BRINP3: variants seen among roughly 807,000 people sequenced by gnomAD.
The protein encoded by BRINP3 is BMP/retinoic acid-inducible neural-specific protein 3.
A neutral mutation model predicts 71.0 loss-of-function variants in BRINP3; 19 were observed. That is an observed-to-expected ratio of 0.27 (90% CI 0.19 to 0.39). BRINP3 has a LOEUF of 0.39. BRINP3 is among the 10% of genes least tolerant of loss of function. The probability of loss-of-function intolerance (pLI) is 1.00; values close to 1 mark genes in which losing one functional copy is unlikely to be tolerated. For missense variants in BRINP3, 959 were observed against 940.8 expected (o/e 1.02, Z -0.25); for synonymous variants, 380 against 337.7 (o/e 1.13, Z -1.37).
chr1:190,106,358 T>C (rs988132280), intron 7 of BRINP3, among the ~76,000 whole-genome samples: 28 of 151,800 alleles, frequency 1.8e-4, no homozygotes, highest in Non-Finnish European at 3.7e-4. Context: ...ACAGTGTTTA[T>C]GTTTAAATCT....
At chr1:190,210,859 G>A (rs2102649209) in intron 6 of BRINP3, among the ~76,000 whole-genome samples, 1 of 152,168 alleles carries the variant, frequency 6.6e-6, no homozygotes, top group East Asian at 1.9e-4. Flanking sequence ...TGCCCTGCAT[G>A]GCTAGAATAA....
intron 6 of BRINP3, among the ~76,000 whole-genome samples, chr1:190,162,620 C>T (rs10920654): frequency 0.22 from 33,184 of 152,008 alleles, 4,170 homozygotes; most frequent in East Asian, 0.35. Context: ...GTCATCTTTA[C>T]TTGAATAGTT....
intron 7 of BRINP3, among the ~76,000 whole-genome samples, chr1:190,102,975 T>C (rs762544627): frequency 6.6e-6 from 1 of 152,094 alleles, no homozygotes; most frequent in African/African-American, 2.4e-5. Flanking sequence ...TTGAAATGTT[T>C]AGACAGCTGT....
At chr1:190,373,834 C>T (rs773294350) in intron 2 of BRINP3, among the ~76,000 whole-genome samples, 9 of 150,920 alleles carry the variant, frequency 6.0e-5, no homozygotes, top group Non-Finnish European at 1.0e-4. Flanking sequence ...AAAGTAATGG[C>T]AAAAACTGTG....
chr1:190,247,877 A>C (rs1408802047), intron 4 of BRINP3, among the ~76,000 whole-genome samples: 1 of 151,932 alleles, frequency 6.6e-6, no homozygotes, highest in East Asian at 1.9e-4. Flanking sequence ...CATTTCCAAT[A>C]TATTTCAAGG....
intron 2 of BRINP3, among the ~76,000 whole-genome samples, chr1:190,284,669 C>T (rs1320772692): frequency 6.6e-6 from 1 of 151,916 alleles, no homozygotes; most frequent in Non-Finnish European, 1.5e-5. Context: ...TTTACTCACT[C>T]AATATGTTAA....
chr1:190,227,059 A>G (rs912691315), intron 5 of BRINP3, among the ~76,000 whole-genome samples: 1 of 151,916 alleles, frequency 6.6e-6, no homozygotes, highest in Non-Finnish European at 1.5e-5. Context: ...TTATTACGAT[A>G]TTTCAAAAAT....
At chr1:190,468,674 G>C (rs1304611670) in intron 1 of BRINP3, among the ~76,000 whole-genome samples, 1 of 151,070 alleles carries the variant, frequency 6.6e-6, no homozygotes, top group Non-Finnish European at 1.5e-5. Flanking sequence ...ATCTGACTTT[G>C]ATATAAAAGT....
chr1:190,104,111 A>G (rs892999333), intron 7 of BRINP3, among the ~76,000 whole-genome samples: 1 of 151,984 alleles, frequency 6.6e-6, no homozygotes, highest in African/African-American at 2.4e-5. Context: ...AGAATAATGG[A>G]GTGAGGGAGG....
chr1:190,464,026 A>T (rs1050715348), intron 1 of BRINP3, among the ~76,000 whole-genome samples: 3 of 151,924 alleles, frequency 2.0e-5, no homozygotes, highest in African/African-American at 7.2e-5. Flanking sequence ...CTTCTGTTGA[A>T]ATAAACAATA....
At chr1:190,296,644 C>T (rs768038479) in intron 2 of BRINP3, among the ~76,000 whole-genome samples, 5 of 151,912 alleles carry the variant, frequency 3.3e-5, no homozygotes, top group East Asian at 1.9e-4. Flanking sequence ...TTGCAGATGA[C>T]GTAATCTTAC....
At chr1:190,339,993 G>A (rs1269254784) in intron 2 of BRINP3, among the ~76,000 whole-genome samples, 1 of 151,804 alleles carries the variant, frequency 6.6e-6, no homozygotes, top group Non-Finnish European at 1.5e-5. Flanking sequence ...CAGCACTAGT[G>A]AAATTTGATT....
intron 7 of BRINP3, among the ~76,000 whole-genome samples, chr1:190,105,249 T>A (rs1329083978): frequency 6.6e-6 from 1 of 151,998 alleles, no homozygotes; most frequent in East Asian, 1.9e-4. Flanking sequence ...GAAATGTCAC[T>A]TTCAAAGATC....
chr1:190,129,748 CA>C (rs1286376207), intron 7 of BRINP3, among the ~76,000 whole-genome samples: 2 of 151,892 alleles, frequency 1.3e-5, no homozygotes, highest in Non-Finnish European at 2.9e-5. Context: ...ATGTGTATAT[CA>C]ATTCTATATA....
At chr1:190,378,296 G>GA (rs977817228) in intron 2 of BRINP3, among the ~76,000 whole-genome samples, 18 of 152,132 alleles carry the variant, frequency 1.2e-4, no homozygotes, top group African/African-American at 4.1e-4. Flanking sequence ...AATGCTGTAG[G>GA]AAAAAATGTT....
At chr1:190,227,539 A>G (rs1371328782) in intron 5 of BRINP3, among the ~76,000 whole-genome samples, 1 of 151,880 alleles carries the variant, frequency 6.6e-6, no homozygotes, top group Non-Finnish European at 1.5e-5. Flanking sequence ...TAAGAAAAAT[A>G]AAAGATGCAA....
chr1:190,215,082 T>A, intron 6 of BRINP3, among the ~76,000 whole-genome samples: 1 of 138,240 alleles, frequency 7.2e-6, no homozygotes, highest in East Asian at 2.2e-4. Flanking sequence ...TAGCAATCCA[T>A]GTAGCTATTA....
At chr1:190,217,811 C>T (rs1571392115) in intron 6 of BRINP3, among the ~76,000 whole-genome samples, 1 of 151,910 alleles carries the variant, frequency 6.6e-6, no homozygotes, top group Non-Finnish European at 1.5e-5. Flanking sequence ...TGGTTATAAA[C>T]CTAAGATGAA....
At chr1:190,222,557 T>C (rs962247745) in intron 6 of BRINP3, among the ~76,000 whole-genome samples, 5 of 151,354 alleles carry the variant, frequency 3.3e-5, no homozygotes, top group African/African-American at 9.7e-5. Context: ...ACAGCAGATA[T>C]GAATAAAGTT....
Sources: gnomAD v4.1 joint callset for allele counts (sites outside exome capture counted in the v4.1 genomes callset) on GRCh38, gnomAD v4.1.1 for gene constraint, MANE v1.5 for transcripts, NCBI Gene and HGNC (gene_info 2026-07-23, HGNC 2026-07-21) for gene names.